Variants in PISD observed in about 807,000 individuals in gnomAD.
PISD encodes phosphatidylserine decarboxylase proenzyme, mitochondrial.
Under a neutral mutation model 43.5 loss-of-function variants are expected in PISD, and 31 were observed. That is an observed-to-expected ratio of 0.71 (90% CI 0.54 to 0.96). PISD has a LOEUF of 0.96. PISD is among the 40% of genes least tolerant of loss of function. PISD has a pLI of 0.00. For synonymous variants in PISD, 259 were observed against 228.7 expected, an observed-to-expected ratio of 1.13 and a Z score of -1.20; for missense variants, 523 against 548.4, an observed-to-expected ratio of 0.95 and a Z score of 0.46.
In PISD at chr22:31,621,702, A is replaced by G; in HGVS notation, c.505T>C (p.Phe169Leu). ...LHHYRNLSEF[F>L]RRKLKPQARP... ...GCCTGCGGCTTCAGCTTGCGCCGGA[A>G]GAACTCGCTGAGGTTGCGGTAGTGA... The change falls in exon 4 of 8, where the codon TTC (phenylalanine) becomes CTC (leucine). Residue 169 changes from phenylalanine to leucine, a missense_variant. By Grantham distance (22) the Phe-to-Leu change is conservative. Coordinates refer to ENST00000439502, the MANE Select transcript of PISD (RefSeq NM_001326411.2). The G allele has an allele frequency of 6.2e-7, 1 of 1,614,052 alleles. No homozygotes were observed. Among genetic ancestry groups the G allele is most frequent in the East Asian group, 2.2e-5 (1 of 44,890 alleles).
rs1603402509 is a variant in PISD at position 31,630,848 on chromosome 22, T to A, written c.322-8963A>T. ...CCGGGCTCCGACTCCCTAGGGGCGC[T>A]CCCGGAGCCGGGAAGCCTTGGGGCG... is the stretch of plus-strand genomic sequence containing the variant. On this transcript the variant is annotated intron_variant, in intron 3 of 7. Coordinates refer to ENST00000439502, the MANE Select transcript of PISD (RefSeq NM_001326411.2). This position sits in a 1 kb window ranked among gnomAD's most constrained non-coding sequence, Gnocchi z 4.4. 1 of 985,242 alleles carries A rather than the reference T, an allele frequency of 1.0e-6. No homozygotes were observed. The highest frequency in any genetic ancestry group is 1.2e-6 in the Non-Finnish European group (1 of 829,928). 61.0% of individuals were successfully genotyped at this position (985,242 alleles called of 1,614,324 possible).
At chr22:31,646,749 T>G (rs1395668281) in intron 3 of PISD, among the ~76,000 whole-genome samples, 1 of 152,078 alleles carries the variant, frequency 6.6e-6, no homozygotes, top group African/African-American at 2.4e-5. Flanking sequence ...TAATGGAAAA[T>G]GATGTTTACA....
Position 31,618,606 on chromosome 22 carries a change from A to AATG in PISD, c.*1003_*1005dup, listed in dbSNP as rs1479252691. The AATG allele has an allele frequency of 3.9e-6, 2 of 518,940 alleles. No individual in the cohort carries two copies. The highest frequency in any genetic ancestry group is 6.8e-5 in the East Asian group (2 of 29,324). 32.1% of individuals were successfully genotyped at this position (518,940 alleles called of 1,614,324 possible). A position where few individuals can be genotyped will look rare whatever the true frequency, so the allele number is the denominator to read the frequency against. On this transcript the variant is annotated 3_prime_UTR_variant, in exon 8 of 8. Transcript: ENST00000439502. The stretch of plus-strand genomic sequence containing the variant: ...GCTACTGATACAGTTGAAAAAATTC[A>AATG]ATGATGTCTCTCCTGCAGGAGAAAT...
rs62239168 is a variant in PISD, at chr22:31,645,667, C to T, written c.321+2434G>A. ...TGCTGGGATTATAGACATGAGCCAC[C>T]GCGCCCGGCCAGTGAAACCCTGTCT... On this transcript the variant is annotated intron_variant, in intron 3 of 7. Coordinates refer to ENST00000439502, the MANE Select transcript of PISD (RefSeq NM_001326411.2). Among the ~76,000 whole-genome samples the T allele has an allele frequency of 1.0e-4, 15 of 148,184 alleles. 1 individual carries two copies. Among genetic ancestry groups the T allele is most frequent in the East Asian group, 4.1e-4 (2 of 4,920 alleles).
chr22:31,629,295 G>C lies in PISD; in HGVS notation c.322-7410C>G, dbSNP rs8141236. ...TGGAGGATACGTGTGCAGGTGCAAGGGTATGTGCATGGAGGGGTGCGTGTA... is the reference window on the plus strand; with the variant it reads ...TGGAGGATACGTGTGCAGGTGCAAGCGTATGTGCATGGAGGGGTGCGTGTA... On this transcript the variant is annotated intron_variant, in intron 3 of 7. Transcript: ENST00000439502. 883 of 885,006 alleles carry C rather than the reference G, an allele frequency of 1.0e-3. 3 individuals carry two copies. In the African/African-American group the frequency reaches 0.014, roughly 14 times the overall value. The allele number at this position is 885,006 out of a possible 1,614,324, so 54.8% of individuals were successfully genotyped here. A position where few individuals can be genotyped will look rare whatever the true frequency, so the allele number is the denominator to read the frequency against.
rs767652231 is a variant in PISD, at chr22:31,623,860, C to G, written c.322-1975G>C. 3.1e-6 allele frequency: 5 copies of G among 1,610,190 alleles called. No homozygotes were observed. In the East Asian group the frequency reaches 8.9e-5, roughly 29 times the overall value. On this transcript the variant is annotated intron_variant, in intron 3 of 7. Transcript: ENST00000439502. ...TGGGGGAAGTGCAACCTGCAGGGCA[C>G]AGGTCCATGCACAGCCAGGTCAGTG...
intron 3 of PISD, chr22:31,625,746 G>A (rs367554468): frequency 4.2e-5 from 66 of 1,574,086 alleles, no homozygotes; most frequent in African/African-American, 3.4e-4. Context: ...GTTAGGGCGC[G>A]GTGGGCAGCA....
At position 31,627,932 on chromosome 22, in the gene PISD, T is replaced by G. The variant is rs573198310; in HGVS notation, c.322-6047A>C. On this transcript the variant is annotated intron_variant, in intron 3 of 7. Coordinates refer to ENST00000439502, the MANE Select transcript of PISD (RefSeq NM_001326411.2). ...ACATGAGGCCAGGGGCCAGGTCAGA[T>G]GCCCATCAGGGAAAGGTGAGCCCTG... 1.5e-3 allele frequency: 1,076 copies of G among 738,186 alleles called. 2 individuals are homozygous for G. Among genetic ancestry groups the G allele is most frequent in the Middle Eastern group, 8.8e-3 (13 of 1,474 alleles). 45.7% of individuals were successfully genotyped at this position (738,186 alleles called of 1,614,324 possible).
chr22:31,653,131 G>GAGAAAA (rs958276062), intron 1 of PISD, among the ~76,000 whole-genome samples: 4 of 151,372 alleles, frequency 2.6e-5, no homozygotes, highest in Non-Finnish European at 5.9e-5. Flanking sequence ...GGCAAACAAG[G>GAGAAAA]AGAAAAAGCA....
intron 3 of PISD, among the ~76,000 whole-genome samples, chr22:31,637,612 G>A (rs554004665): frequency 6.6e-6 from 1 of 152,212 alleles, no homozygotes; most frequent in Non-Finnish European, 1.5e-5. Context: ...CTTTACTCCA[G>A]TGACTGAGGA....
intron 7 of PISD, 96 bp downstream of exon 7, chr22:31,620,457 G>A (rs1421472375): frequency 2.4e-6 from 3 of 1,264,538 alleles, no homozygotes; most frequent in Non-Finnish European, 2.2e-6. Flanking sequence ...GGCCTCCCTA[G>A]AATTCAGTCC....
At chr22:31,646,359 G>A (rs5998066) in intron 3 of PISD, among the ~76,000 whole-genome samples, 4 of 152,204 alleles carry the variant, frequency 2.6e-5, no homozygotes, top group African/African-American at 9.6e-5. Context: ...TTAGGCCACT[G>A]TACTCCAGTG....
intron 3 of PISD, chr22:31,623,630 C>T (rs2072704444): frequency 6.5e-7 from 1 of 1,544,456 alleles, no homozygotes; most frequent in African/African-American, 1.4e-5. Flanking sequence ...TGCACCCCAA[C>T]CTCAGGCCTG....
intron 1 of PISD, among the ~76,000 whole-genome samples, chr22:31,657,197 C>G (rs2074203345): frequency 1.3e-5 from 2 of 152,114 alleles, no homozygotes; most frequent in African/African-American, 4.8e-5. Context: ...AGTGCAGTGG[C>G]ATGATCTCAG....
rs747266627 is a variant in PISD, at chr22:31,621,007, C to T, written c.833G>A (p.Arg278His). The part of the protein sequence containing the change: ...SPTDWTVSHR[R>H]HFPGSLMSVN... Reference sequence around the variant, plus strand: ...GGCCCCGGGCTGACCTGGGAAGTGGCGCCGGTGGGACACAGTCCAGTCGGT... The same window carrying T: ...GGCCCCGGGCTGACCTGGGAAGTGGTGCCGGTGGGACACAGTCCAGTCGGT... Residue 278 changes from arginine to histidine, a missense_variant, in exon 6 of 8, where the codon CGC (arginine) becomes CAC (histidine). Arg to His is a conservative substitution (Grantham distance 29). Transcript: ENST00000439502. The T allele has an allele frequency of 1.2e-5, 20 of 1,612,538 alleles. No homozygotes were observed. Among genetic ancestry groups the T allele is most frequent in the Non-Finnish European group, 1.4e-5 (17 of 1,179,382 alleles).
intron 3 of PISD, chr22:31,623,729 G>A (rs940285871): frequency 6.8e-6 from 11 of 1,614,142 alleles, no homozygotes; most frequent in African/African-American, 1.3e-5. Context: ...GTCTGAGGGC[G>A]CCGAAGGGCA....
intron 3 of PISD, chr22:31,629,448 CA>C (rs888550506): frequency 7.0e-6 from 1 of 143,164 alleles, no homozygotes; most frequent in Non-Finnish European, 1.5e-5. Flanking sequence ...GGGGTGTGCA[CA>C]GGTGCAAGGT....
chr22:31,628,417 G>A (rs4602315), intron 3 of PISD, among the ~76,000 whole-genome samples: 1,655 of 152,322 alleles, frequency 0.011, 37 homozygotes, highest in African/African-American at 0.038. Context: ...TCAGGCCCTG[G>A]ATGAGGAGCT....
chr22:31,637,854 C>T (rs547498400), intron 3 of PISD, among the ~76,000 whole-genome samples: 4 of 152,354 alleles, frequency 2.6e-5, no homozygotes, highest in African/African-American at 9.6e-5. Flanking sequence ...CCTAATGTCA[C>T]GTCCTACACA....
Sources: allele counts gnomAD v4.1 joint callset (sites outside exome capture counted in the v4.1 genomes callset), GRCh38; gene constraint gnomAD v4.1.1; non-coding constraint Gnocchi (gnomAD v3.1); transcripts MANE v1.5; gene names NCBI Gene and HGNC (gene_info 2026-07-23, HGNC 2026-07-21).